PALLD: variants seen among roughly 807,000 people sequenced by gnomAD.
PALLD encodes palladin.
Under a neutral mutation model 123.5 loss-of-function variants are expected in PALLD, and 61 were observed. The observed-to-expected ratio is 0.49, with a 90% confidence interval of 0.40 to 0.61. The LOEUF (loss-of-function observed/expected upper bound fraction) is 0.61, where lower values mean the gene tolerates loss of function less well. PALLD is among the 20% of genes least tolerant of loss of function. PALLD has a pLI of 0.00. For missense variants in PALLD, 1,273 were observed against 1,377.0 expected (o/e 0.92, Z 1.20); for synonymous variants, 465 against 496.4 (o/e 0.94, Z 0.84).
intron 2 of PALLD, among the ~76,000 whole-genome samples, chr4:168,555,571 G>A (rs532897849): frequency 6.6e-6 from 1 of 152,300 alleles, no homozygotes; most frequent in South Asian, 2.1e-4. Context: ...AGCTGAATAT[G>A]AGTATTAGAA....
At chr4:168,698,313 CAATAAG>C (rs1783348587) in intron 8 of PALLD, among the ~76,000 whole-genome samples, 1 of 151,444 alleles carries the variant, frequency 6.6e-6, no homozygotes, top group South Asian at 2.1e-4. Flanking sequence ...TGACTGTAGT[CAATAAG>C]AAATTAATTG....
intron 15 of PALLD, among the ~76,000 whole-genome samples, chr4:168,912,244 A>T (rs1395925511): frequency 6.6e-6 from 1 of 152,182 alleles, no homozygotes; most frequent in Non-Finnish European, 1.5e-5. Flanking sequence ...AGCCAATGGG[A>T]GAATTTTATT....
intron 10 of PALLD, among the ~76,000 whole-genome samples, chr4:168,873,387 C>G (rs1751335176): frequency 6.6e-6 from 1 of 152,166 alleles, no homozygotes; most frequent in Admixed American, 6.5e-5. Context: ...AGCATATAAA[C>G]CAACAGCATA....
At chr4:168,740,729 ACT>A (rs1262001505) in intron 10 of PALLD, among the ~76,000 whole-genome samples, 1 of 152,118 alleles carries the variant, frequency 6.6e-6, no homozygotes, top group Non-Finnish European at 1.5e-5. Context: ...GAGCAAAAAA[ACT>A]CTGCAAGATT....
At chr4:168,847,909 A>G (rs1349733785) in intron 10 of PALLD, among the ~76,000 whole-genome samples, 1 of 152,178 alleles carries the variant, frequency 6.6e-6, no homozygotes, top group Non-Finnish European at 1.5e-5. Context: ...AGTCCCAGGC[A>G]TATTAAGAGA....
chr4:168,690,790 T>G, intron 7 of PALLD, 46 bp downstream of exon 7: 1 of 1,600,380 alleles, frequency 6.2e-7, no homozygotes, highest in Non-Finnish European at 8.6e-7. Flanking sequence ...TTTTATTCTC[T>G]CCAGCTTCAA....
chr4:168,757,825 A>AC (rs1182547220), intron 10 of PALLD, among the ~76,000 whole-genome samples: 1 of 152,228 alleles, frequency 6.6e-6, no homozygotes, highest in Non-Finnish European at 1.5e-5. Context: ...TAATCCCAGC[A>AC]CTTTGGGAGG....
chr4:168,693,047 C>T (rs1336702624), intron 8 of PALLD, among the ~76,000 whole-genome samples: 1 of 152,226 alleles, frequency 6.6e-6, no homozygotes, highest in African/African-American at 2.4e-5. Flanking sequence ...ATCTCCCCCG[C>T]ACCCTGCGTC....
At chr4:168,897,862 C>G (rs1329723718) in intron 13 of PALLD, 2 of 151,256 alleles carry the variant, frequency 1.3e-5, no homozygotes, top group Non-Finnish European at 2.9e-5. Flanking sequence ...GACTGTCAGT[C>G]CTATTTTTTC....
intron 10 of PALLD, among the ~76,000 whole-genome samples, chr4:168,881,705 T>C (rs1442163727): frequency 1.3e-5 from 2 of 152,086 alleles, no homozygotes; most frequent in South Asian, 2.1e-4. Context: ...AAGGAGAGCA[T>C]GCCTTAGAGA....
intron 2 of PALLD, among the ~76,000 whole-genome samples, chr4:168,577,994 A>G (rs1054835118): frequency 6.6e-6 from 1 of 152,094 alleles, no homozygotes; most frequent in African/African-American, 2.4e-5. Flanking sequence ...AAAATGTTAC[A>G]AAGACCCATA....
At chr4:168,809,122 A>G (rs1248485132) in intron 10 of PALLD, among the ~76,000 whole-genome samples, 2 of 152,104 alleles carry the variant, frequency 1.3e-5, no homozygotes, top group Non-Finnish European at 2.9e-5. Context: ...CATTCACTTT[A>G]CAGGGAATGG....
chr4:168,540,413 A>T (rs1765503316), intron 2 of PALLD, among the ~76,000 whole-genome samples: 1 of 152,216 alleles, frequency 6.6e-6, no homozygotes, highest in Non-Finnish European at 1.5e-5. Context: ...TCCGAAACAC[A>T]AAACTACAGA....
chr4:168,639,501 T>A (rs1237628962), intron 2 of PALLD, among the ~76,000 whole-genome samples: 2 of 152,092 alleles, frequency 1.3e-5, no homozygotes, highest in Non-Finnish European at 2.9e-5. Context: ...TACTTAAACC[T>A]GTTCACTCCT....
intron 3 of PALLD, among the ~76,000 whole-genome samples, chr4:168,668,793 GTCTCTTTTGT>G (rs1779900582): frequency 6.6e-6 from 1 of 152,056 alleles, no homozygotes; most frequent in Non-Finnish European, 1.5e-5. Flanking sequence ...CTAGAATTTT[GTCTCTTTTGT>G]TAAGACCCCA....
At chr4:168,833,957 A>G (rs1744726953) in intron 10 of PALLD, among the ~76,000 whole-genome samples, 1 of 146,960 alleles carries the variant, frequency 6.8e-6, no homozygotes, top group South Asian at 2.3e-4. Context: ...TGAACCATAA[A>G]CATACGAGAT....
At chr4:168,634,095 G>A (rs1249534916) in intron 2 of PALLD, among the ~76,000 whole-genome samples, 1 of 152,166 alleles carries the variant, frequency 6.6e-6, no homozygotes, top group Non-Finnish European at 1.5e-5. Context: ...ATCATGAATT[G>A]AATAATTGAT....
At chr4:168,683,202 T>C in intron 5 of PALLD, 99 bp downstream of exon 5, 2 of 641,740 alleles carry the variant, frequency 3.1e-6, no homozygotes, top group East Asian at 2.8e-5. Flanking sequence ...TATACTCCCT[T>C]GAAATATTTT....
At chr4:168,908,601 C>T (rs1277470889) in intron 15 of PALLD, among the ~76,000 whole-genome samples, 2 of 151,980 alleles carry the variant, frequency 1.3e-5, no homozygotes, top group African/African-American at 4.8e-5. Context: ...CCTTAATGCC[C>T]TTTAGTTACC....
Sources: allele counts gnomAD v4.1 joint callset (sites outside exome capture counted in the v4.1 genomes callset), GRCh38; gene constraint gnomAD v4.1.1; transcripts MANE v1.5; gene names NCBI Gene and HGNC (gene_info 2026-07-23, HGNC 2026-07-21).